The following NRXN1 variants were observed in gnomAD, a reference collection of about 807,000 sequenced individuals.
The protein encoded by NRXN1 is neurexin-1.
Under a neutral mutation model 150.9 loss-of-function variants are expected in NRXN1, and 39 were observed. The ratio of observed to expected loss-of-function variants is 0.26; its 90% CI spans 0.20 to 0.34. NRXN1 has a LOEUF of 0.34. Ranked by LOEUF, NRXN1 falls within the 10% of genes least tolerant of loss-of-function variation. The pLI is 1.00. For synonymous variants in NRXN1, 924 were observed against 757.0 expected (o/e 1.22, Z -3.62); for missense variants, 1,815 against 1,949.9 (o/e 0.93, Z 1.30).
At chr2:51,017,092 TGGGGCCTGTCAGGG>T (rs993886093) in intron 2 of NRXN1, among the ~76,000 whole-genome samples, 2 of 147,930 alleles carry the variant, frequency 1.4e-5, no homozygotes, top group Non-Finnish European at 3.0e-5. Flanking sequence ...CAGCACACAC[TGGGGCCTGTCAGGG>T]GGTGGGGGTC....
intron 2 of NRXN1, among the ~76,000 whole-genome samples, chr2:50,977,056 T>C (rs896924999): frequency 2.8e-4 from 43 of 151,954 alleles, no homozygotes; most frequent in Non-Finnish European, 4.1e-4. Context: ...ATAACAGAAT[T>C]ATAGAGAGGG....
chr2:50,940,059 T>G (rs184258981), intron 2 of NRXN1, among the ~76,000 whole-genome samples: 3 of 152,226 alleles, frequency 2.0e-5, no homozygotes, highest in African/African-American at 4.8e-5. Context: ...ACCTACGAAA[T>G]AGAATTATTT....
At chr2:50,457,494 T>G (rs1341201276) in intron 17 of NRXN1, among the ~76,000 whole-genome samples, 1 of 152,052 alleles carries the variant, frequency 6.6e-6, no homozygotes, top group Non-Finnish European at 1.5e-5. Flanking sequence ...AAAATATTCA[T>G]ACCTCACAAT....
intron 2 of NRXN1, among the ~76,000 whole-genome samples, chr2:50,987,201 A>T (rs1015498308): frequency 6.6e-6 from 1 of 151,980 alleles, no homozygotes; most frequent in Non-Finnish European, 1.5e-5. Flanking sequence ...TTGACTACTT[A>T]TTAGTAAATA....
rs554123234 is a variant in NRXN1, at chr2:50,331,877, G to A, written c.3365-94907C>T. 2.0e-5 allele frequency among the ~76,000 whole-genome samples: 3 copies of A among 152,194 alleles called. No individual in the cohort carries two copies. In the East Asian group the frequency reaches 5.8e-4, roughly 29 times the overall value. On this transcript the variant is annotated intron_variant, in intron 17 of 22. Coordinates refer to ENST00000401669, the MANE Select transcript of NRXN1 (RefSeq NM_001330078.2). ...CTTGTTCCTCAAGCAATTGTGCTAG[G>A]ACCGTCTACATTATAATCTCTTAAA...
chr2:50,752,472 C>A (rs1700707199), intron 5 of NRXN1, among the ~76,000 whole-genome samples: 1 of 151,922 alleles, frequency 6.6e-6, no homozygotes. Flanking sequence ...CTGGAGGGAA[C>A]CCAATGCTAA....
intron 5 of NRXN1, among the ~76,000 whole-genome samples, chr2:50,683,743 T>C (rs1349081737): frequency 6.8e-6 from 1 of 146,486 alleles, no homozygotes; most frequent in Non-Finnish European, 1.5e-5. Context: ...ATACTTCAGC[T>C]GCCCCAAAGG....
chr2:50,460,067 G>A (rs1397187167), intron 17 of NRXN1, among the ~76,000 whole-genome samples: 1 of 152,100 alleles, frequency 6.6e-6, no homozygotes, highest in Non-Finnish European at 1.5e-5. Flanking sequence ...CTTGAGAATA[G>A]TTAGTCAAGG....
At chr2:50,996,736 TTGGC>T (rs138360660) in intron 2 of NRXN1, among the ~76,000 whole-genome samples, 2,753 of 152,020 alleles carry the variant, frequency 0.018, 85 homozygotes, top group African/African-American at 0.064. Context: ...AACTAGAAAA[TTGGC>T]TGAGCTAGGA....
At chr2:50,621,188 A>G (rs1377040469) in intron 7 of NRXN1, 38 bp downstream of exon 7, 8 of 1,539,020 alleles carry the variant, frequency 5.2e-6, no homozygotes, top group Non-Finnish European at 6.2e-6. Context: ...ATAAGAAACA[A>G]TTAGAATGAT....
intron 17 of NRXN1, among the ~76,000 whole-genome samples, chr2:50,357,056 C>A (rs1005384134): frequency 1.4e-4 from 22 of 151,964 alleles, no homozygotes; most frequent in African/African-American, 5.3e-4. Flanking sequence ...ACAGAAGGAT[C>A]ACTGGAGACT....
intron 5 of NRXN1, among the ~76,000 whole-genome samples, chr2:50,808,949 C>T (rs1417528523): frequency 1.3e-5 from 2 of 152,078 alleles, no homozygotes; most frequent in Non-Finnish European, 2.9e-5. Flanking sequence ...TCCTTATGAA[C>T]ATATTGACAA....
At chr2:50,625,211 C>T (rs1017142000) in intron 5 of NRXN1, among the ~76,000 whole-genome samples, 1 of 152,000 alleles carries the variant, frequency 6.6e-6, no homozygotes, top group Non-Finnish European at 1.5e-5. Context: ...GAGCTCAAAT[C>T]GCTTTCAACG....
At chr2:50,556,596 G>C (rs1668297495) in intron 8 of NRXN1, among the ~76,000 whole-genome samples, 1 of 150,850 alleles carries the variant, frequency 6.6e-6, no homozygotes, top group Non-Finnish European at 1.5e-5. Context: ...ATATTTGTTA[G>C]AATTTTTAGT....
At chr2:50,084,093 G>A (rs1698396336) in intron 19 of NRXN1, among the ~76,000 whole-genome samples, 1 of 152,202 alleles carries the variant, frequency 6.6e-6, no homozygotes, top group Admixed American at 6.5e-5. Flanking sequence ...GACACAAGGT[G>A]CTGATTGCTG....
chr2:50,212,189 C>T (rs1325210602), intron 18 of NRXN1, among the ~76,000 whole-genome samples: 4 of 150,502 alleles, frequency 2.7e-5, no homozygotes, highest in Non-Finnish European at 4.4e-5. Flanking sequence ...CATCTTTTTT[C>T]AGTTTTAAAT....
At chr2:50,715,438 T>A (rs1695742259) in intron 5 of NRXN1, among the ~76,000 whole-genome samples, 1 of 152,170 alleles carries the variant, frequency 6.6e-6, no homozygotes, top group African/African-American at 2.4e-5. Context: ...AAAGATTAAA[T>A]AAGAAACTGG....
At chr2:49,934,529 T>C (rs1003918522) in intron 22 of NRXN1, among the ~76,000 whole-genome samples, 3 of 152,218 alleles carry the variant, frequency 2.0e-5, no homozygotes, top group South Asian at 2.1e-4. Flanking sequence ...TTTTCTTTTG[T>C]TGGGAAAAAG....
intron 18 of NRXN1, among the ~76,000 whole-genome samples, chr2:50,092,364 C>G (rs1048053690): frequency 3.9e-5 from 6 of 152,186 alleles, no homozygotes; most frequent in Admixed American, 1.3e-4. Flanking sequence ...ACTGTCAACT[C>G]TACCATGAAA....
Sources: allele counts gnomAD v4.1 joint callset (sites outside exome capture counted in the v4.1 genomes callset), GRCh38; gene constraint gnomAD v4.1.1; transcripts MANE v1.5; gene names NCBI Gene and HGNC (gene_info 2026-07-23, HGNC 2026-07-21).